Variants in DCAKD observed in about 807,000 individuals in gnomAD.
DCAKD encodes the protein dephospho-CoA kinase domain containing, also known as dephospho-CoA kinase domain-containing protein.
A neutral mutation model predicts 18.7 loss-of-function variants in DCAKD; 15 were observed. The ratio of observed to expected loss-of-function variants is 0.80; its 90% CI spans 0.54 to 1.24. The LOEUF (loss-of-function observed/expected upper bound fraction) is 1.24. Ranked by LOEUF, DCAKD falls within the 50% of genes most tolerant of loss-of-function variation. DCAKD has a pLI of 0.00. For missense variants in DCAKD, 301 were observed against 322.0 expected (o/e 0.93, Z 0.50); for synonymous variants, 130 against 133.0 (o/e 0.98, Z 0.16).
At chr17:45,029,869 C>G (rs2053138855) in intron 4 of DCAKD, among the ~76,000 whole-genome samples, 1 of 152,072 alleles carries the variant, frequency 6.6e-6, no homozygotes, top group Non-Finnish European at 1.5e-5. Context: ...GGAGCGCTCC[C>G]CAAACACTAG....
chr17:45,047,689 C>G (rs1285438180), intron 1 of DCAKD, among the ~76,000 whole-genome samples: 2 of 151,910 alleles, frequency 1.3e-5, no homozygotes, highest in African/African-American at 2.4e-5. Context: ...ATCTTTAGTA[C>G]AGACGGGGTT....
intron 1 of DCAKD, among the ~76,000 whole-genome samples, chr17:45,042,216 C>T (rs1369031835): frequency 1.3e-5 from 2 of 152,174 alleles, no homozygotes; most frequent in Non-Finnish European, 2.9e-5. Context: ...ATCCCCCAAC[C>T]CAAATGATGC....
At position 45,025,172 on chromosome 17, in the gene DCAKD, C is replaced by T. The variant is rs377001119; in HGVS notation, c.405-448G>A. On this transcript the variant is annotated intron_variant, in intron 4 of 4. Transcript: ENST00000651974. The stretch of plus-strand genomic sequence containing the variant: ...GAAAGGCCTATGCCTATGAGCTAGA[C>T]GCTTCCTGCAGTTCCCCTGGGGGCC... Among the ~76,000 whole-genome samples, 61 of 152,160 alleles carry T rather than the reference C, an allele frequency of 4.0e-4. No homozygotes were observed. In the East Asian group the frequency reaches 6.8e-3, roughly 17 times the overall value.
At chr17:45,035,480 T>TAAAAAAAA (rs35837364) in intron 1 of DCAKD, among the ~76,000 whole-genome samples, 1 of 86,952 alleles carries the variant, frequency 1.2e-5, no homozygotes, top group Non-Finnish European at 2.2e-5. Context: ...AGATTCCTTC[T>TAAAAAAAA]AAAAAAAAAA....
intron 1 of DCAKD, among the ~76,000 whole-genome samples, chr17:45,059,572 T>C (rs888053605): frequency 6.6e-6 from 1 of 152,182 alleles, no homozygotes; most frequent in Non-Finnish European, 1.5e-5. Context: ...AAAAACAGAT[T>C]AAAATGTGGC....
At chr17:45,060,563 G>A (rs1487003136) in intron 1 of DCAKD, among the ~76,000 whole-genome samples, 1 of 152,178 alleles carries the variant, frequency 6.6e-6, no homozygotes, top group Non-Finnish European at 1.5e-5. Context: ...GGGTCGTTGT[G>A]GAAAATTCTT....
Position 45,057,059 on chromosome 17 carries a change from G to A in DCAKD, c.-118+3829C>T, listed in dbSNP as rs555278775. Among the ~76,000 whole-genome samples the A allele has an allele frequency of 1.1e-4, 16 of 152,064 alleles. 1 individual carries two copies. The East Asian group carries it at 2.5e-3, about 24-fold the overall frequency. On this transcript the variant is annotated intron_variant, in intron 1 of 4. Transcript: ENST00000310604. Reference sequence around the variant, plus strand: ...TGGGATTACAGGCGTGAGCCACTGCGCCTGGCCCTTTTTTCCTATTTATAT... The same window carrying A: ...TGGGATTACAGGCGTGAGCCACTGCACCTGGCCCTTTTTTCCTATTTATAT...
At chr17:45,060,321 C>A (rs548424228) in intron 1 of DCAKD, among the ~76,000 whole-genome samples, 125 of 151,792 alleles carry the variant, frequency 8.2e-4, no homozygotes, top group African/African-American at 2.9e-3. Context: ...GCCAGGAGTT[C>A]GAGACCAGCC....
chr17:45,060,093 G>T (rs1029172790), intron 1 of DCAKD, among the ~76,000 whole-genome samples: 1 of 151,984 alleles, frequency 6.6e-6, no homozygotes, highest in African/African-American at 2.4e-5. Context: ...GTCAGAGAGA[G>T]ACTCCGTCTC....
chr17:45,055,070 C>T (rs1360248746), upstream of DCAKD, among the ~76,000 whole-genome samples: 1 of 152,176 alleles, frequency 6.6e-6, no homozygotes, highest in Non-Finnish European at 1.5e-5. Flanking sequence ...GCACCTCCTC[C>T]ATAATGAAAC....
chr17:45,025,744 C>CTTTT (rs66731834), intron 4 of DCAKD, among the ~76,000 whole-genome samples: 9 of 103,838 alleles, frequency 8.7e-5, no homozygotes, highest in East Asian at 5.4e-4. Flanking sequence ...TTGGTTCCTT[C>CTTTT]TTTTTTTTTT....
chr17:45,037,617 C>T lies in DCAKD; in HGVS notation c.-114-2618G>A, dbSNP rs2143266642. 1.3e-5 allele frequency among the ~76,000 whole-genome samples: 2 copies of T among 152,146 alleles called. 1 individual carries two copies. The highest frequency in any genetic ancestry group is 4.2e-4 in the South Asian group (2 of 4,814). On this transcript the variant is annotated intron_variant, in intron 1 of 4. Transcript: ENST00000651974. Reference sequence around the variant, plus strand: ...GGGATTACATGCAGCCGTCACCATGCCCAGCTAATTTTTGTATTTTTAGTA... The same window carrying T: ...GGGATTACATGCAGCCGTCACCATGTCCAGCTAATTTTTGTATTTTTAGTA...
At chr17:45,055,174 G>A (rs960423118), upstream of DCAKD, among the ~76,000 whole-genome samples, 14 of 152,104 alleles carry the variant, frequency 9.2e-5, no homozygotes, top group Non-Finnish European at 1.8e-4. Context: ...GAAACTTTGA[G>A]CTGGCTGTAG....
chr17:45,033,775 T>G, intron 3 of DCAKD: 5 of 880,320 alleles, frequency 5.7e-6, no homozygotes, highest in South Asian at 4.2e-5. Context: ...TCATGTTGGA[T>G]TATTATCCCC....
chr17:45,053,458 G>C (rs543372719), upstream of DCAKD, among the ~76,000 whole-genome samples: 4 of 147,668 alleles, frequency 2.7e-5, no homozygotes, highest in East Asian at 8.1e-4. Context: ...TTTTGCTCTT[G>C]TTGCCCAGGC....
chr17:45,026,902 C>T, intron 4 of DCAKD: 1 of 852,006 alleles, frequency 1.2e-6, no homozygotes, highest in Non-Finnish European at 1.4e-6. Flanking sequence ...GTGGCCCAGA[C>T]CACAGAGCCT....
intron 1 of DCAKD, among the ~76,000 whole-genome samples, chr17:45,060,350 C>G (rs947004391): frequency 7.2e-5 from 11 of 151,760 alleles, no homozygotes; most frequent in African/African-American, 2.7e-4. Context: ...AAGGCGAGAC[C>G]CTCGTCTCTA....
chr17:45,048,166 A>C (rs553225893), intron 1 of DCAKD, among the ~76,000 whole-genome samples: 1 of 152,060 alleles, frequency 6.6e-6, no homozygotes, highest in Non-Finnish European at 1.5e-5. Flanking sequence ...AGGCAGGAGG[A>C]TCACTTGAGG....
At chr17:45,032,522 C>T (rs1476048696) in intron 3 of DCAKD, among the ~76,000 whole-genome samples, 9 of 151,978 alleles carry the variant, frequency 5.9e-5, no homozygotes, top group Non-Finnish European at 8.8e-5. Flanking sequence ...CAGTGGCTCA[C>T]GCTTGTATTC....
Sources: gnomAD v4.1 joint callset for allele counts (sites outside exome capture counted in the v4.1 genomes callset) on GRCh38, gnomAD v4.1.1 for gene constraint, MANE v1.5 for transcripts, NCBI Gene and HGNC (gene_info 2026-07-23, HGNC 2026-07-21) for gene names.